The following MICAL3 variants were observed in gnomAD, a reference collection of about 807,000 sequenced individuals.
The protein encoded by MICAL3 is microtubule associated monooxygenase, calponin and LIM domain containing 3, also known as [F-actin]-monooxygenase MICAL3.
Under a neutral mutation model 207.4 loss-of-function variants are expected in MICAL3, and 62 were observed. That is an observed-to-expected ratio of 0.30 (90% CI 0.24 to 0.37). MICAL3 has a LOEUF of 0.37. Among genes scored for constraint, MICAL3 ranks in the 10% least tolerant of loss-of-function variants. The pLI, the probability that MICAL3 is intolerant of heterozygous loss-of-function variation, is 1.00. For missense variants in MICAL3, 2,368 were observed against 2,635.6 expected (o/e 0.90, Z 2.22); for synonymous variants, 1,077 against 1,069.3 (o/e 1.01, Z -0.14).
intron 1 of MICAL3, among the ~76,000 whole-genome samples, chr22:17,959,256 C>T (rs1257382748): frequency 6.6e-6 from 1 of 151,448 alleles, no homozygotes; most frequent in East Asian, 1.9e-4. Context: ...ACCTTGTGAT[C>T]CACCCACCTC....
In MICAL3 at chr22:18,003,952, T is replaced by C. The variant is rs1489690170; in HGVS notation, c.-75+20329A>G. Among the ~76,000 whole-genome samples, 230 of 152,196 alleles carry C rather than the reference T, an allele frequency of 1.5e-3. 2 individuals are homozygous for C. The highest frequency in any genetic ancestry group is 1.6e-4 in the Non-Finnish European group (11 of 68,010). ...ACCTGGCTAATTTTTGTATTTTTAG[T>C]AGAGACAGGGTTTCGCCATGTTGGC... On this transcript the variant is annotated intron_variant, in intron 1 of 31. Transcript: ENST00000441493.
Position 17,803,122 on chromosome 22 carries a change from G to A in MICAL3, c.5650+5722C>T, listed in dbSNP as rs528544119. ...CAGGTCTGGGGCAGGGCCTGAGGCTGTGCCTTCCTAACAGGCTCCTAGGTG... is the reference window on the plus strand; with the variant it reads ...CAGGTCTGGGGCAGGGCCTGAGGCTATGCCTTCCTAACAGGCTCCTAGGTG... On this transcript the variant is annotated intron_variant, in intron 29 of 31. Coordinates refer to ENST00000441493, the MANE Select transcript of MICAL3 (RefSeq NM_015241.3). Among the ~76,000 whole-genome samples the A allele has an allele frequency of 3.3e-5, 5 of 152,292 alleles. No homozygotes were observed. In the South Asian group the frequency reaches 1.0e-3, roughly 32 times the overall value.
chr22:17,912,136 G>C (rs1245782856), intron 1 of MICAL3, among the ~76,000 whole-genome samples: 1 of 152,136 alleles, frequency 6.6e-6, no homozygotes, highest in Non-Finnish European at 1.5e-5. Flanking sequence ...ACAAAACATA[G>C]TTTGACCATA....
chr22:18,023,750 C>A (rs1924630360), intron 1 of MICAL3, among the ~76,000 whole-genome samples: 1 of 152,348 alleles, frequency 6.6e-6, no homozygotes, highest in Middle Eastern at 3.4e-3. Flanking sequence ...GGGCCACCAC[C>A]GCGCGCCGCG....
At chr22:17,896,453 A>G in intron 8 of MICAL3, 92 bp from the exon 9 acceptor site, 2 of 868,372 alleles carry the variant, frequency 2.3e-6, no homozygotes, top group Non-Finnish European at 3.7e-6. Context: ...TGCTGTCGAC[A>G]GTAGTGTTTG....
chr22:17,827,583 AC>A, intron 22 of MICAL3, 60 bp downstream of exon 22: 2 of 1,489,474 alleles, frequency 1.3e-6, no homozygotes, highest in Admixed American at 4.2e-5. Flanking sequence ...CCCTGTGGCG[AC>A]AGAGGCAGCA....
Position 17,969,033 on chromosome 22 carries a change from T to C in MICAL3, c.-75+55248A>G, listed in dbSNP as rs572669246. On this transcript the variant is annotated intron_variant, in intron 1 of 31. Transcript: ENST00000441493. ...ACTTATTAAGAACATTCTTTAACTT[T>C]CTCCAGAAGACTTTTTTTTTTCTTT... 7.2e-5 allele frequency among the ~76,000 whole-genome samples: 11 copies of C among 152,202 alleles called. No individual in the cohort carries two copies. The East Asian group carries it at 1.9e-3, about 27-fold the overall frequency.
intron 1 of MICAL3, among the ~76,000 whole-genome samples, chr22:17,962,375 G>A (rs1173733081): frequency 6.6e-5 from 10 of 152,202 alleles, no homozygotes; most frequent in South Asian, 2.1e-4. Context: ...GCAGGCACTC[G>A]CAGGCTGGGC....
intron 19 of MICAL3, chr22:17,864,598 C>CGGGACGGGGCTGA: frequency 1.3e-6 from 2 of 1,506,882 alleles, no homozygotes; most frequent in Non-Finnish European, 1.8e-6. Context: ...TGTGATGGTG[C>CGGGACGGGGCTGA]GGGACGGGGC....
chr22:18,007,166 T>G (rs1349963983), intron 1 of MICAL3: 1 of 152,092 alleles, frequency 6.6e-6, no homozygotes, highest in Non-Finnish European at 1.5e-5. Context: ...AATTTTCTGA[T>G]TTCAAAAGTA....
At chr22:17,863,898 T>C (rs1926784690) in intron 19 of MICAL3, 1 of 984,098 alleles carries the variant, frequency 1.0e-6, no homozygotes, top group Non-Finnish European at 1.2e-6. Context: ...TTAATTTTTA[T>C]GAGTTTTGTA....
intron 19 of MICAL3, among the ~76,000 whole-genome samples, chr22:17,843,349 C>G (rs1924266555): frequency 6.6e-6 from 1 of 152,136 alleles, no homozygotes; most frequent in Non-Finnish European, 1.5e-5. Context: ...CCTCCTGATC[C>G]TGGTCAGAGG....
intron 1 of MICAL3, chr22:17,980,794 C>CTCAGCCT (rs150713652): frequency 0.014 from 6,879 of 484,136 alleles, 216 homozygotes; most frequent in African/African-American, 0.087. Flanking sequence ...AACCAGCTGC[C>CTCAGCCT]CGTCTGCTCC....
At chr22:17,864,682 T>TCC in intron 19 of MICAL3, 1 of 1,609,660 alleles carries the variant, frequency 6.2e-7, no homozygotes, top group Non-Finnish European at 8.5e-7. Context: ...CCAGTGGAAC[T>TCC]CCCCTCTGAT....
Position 17,817,601 on chromosome 22 carries a change from G to C in MICAL3, c.5060C>G (p.Thr1687Ser), listed in dbSNP as rs370320604. Residue 1687 changes from threonine to serine, a missense_variant, in exon 26 of 32, where the codon ACT becomes AGT. By Grantham distance (58) the Thr-to-Ser change is moderately conservative (BLOSUM62 1). Coordinates refer to ENST00000441493, the MANE Select transcript of MICAL3 (RefSeq NM_015241.3). ...CTTCCCACTGGAGCCCTCGGATGAA[G>C]TGAAAGAGCCATCTGGGCCCCCTGA... ...SDSGGPDGSF[T>S]SSEGSSGKSK... 5.6e-6 allele frequency: 9 copies of C among 1,613,188 alleles called. No homozygotes were observed. In the African/African-American group the frequency reaches 8.0e-5, roughly 14 times the overall value.
rs746105325 is a variant in MICAL3 at position 17,896,262 on chromosome 22, C to T, written c.1306G>A (p.Glu436Lys). 2 of 1,555,748 alleles carry T rather than the reference C, an allele frequency of 1.3e-6. No homozygotes were observed. The highest frequency in any genetic ancestry group is 2.4e-5 in the South Asian group (2 of 84,220). The change falls in exon 9 of 32, where the codon GAA becomes AAA. Residue 436 changes from glutamate to lysine, a missense_variant. Transcript: ENST00000441493. ...TCCCATTACCTCTCTGCCAGCACTT[C>T]CAAAGGGCTCGTTCCTAGAGACCAA... Reference protein sequence around the residue: ...RSWSLGTSPLEVLAERESIYR... With the variant: ...RSWSLGTSPLKVLAERESIYR...
chr22:17,839,927 C>CTTTTTTTT (rs67852343), intron 20 of MICAL3: 3 of 95,846 alleles, frequency 3.1e-5, no homozygotes, highest in East Asian at 3.0e-4. Flanking sequence ...TTTTAATTAT[C>CTTTTTTTT]TTTTTTTTTT....
chr22:17,889,310 C>G (rs1930203898), intron 12 of MICAL3, 80 bp from the exon 13 acceptor site: 1 of 1,063,320 alleles, frequency 9.4e-7, no homozygotes, highest in South Asian at 1.6e-5. Flanking sequence ...GAGTCATCGT[C>G]CTTTCTCTGT....
At chr22:17,801,797 GGCAGGAGAATC>G (rs902511103) in intron 29 of MICAL3, among the ~76,000 whole-genome samples, 2 of 152,100 alleles carry the variant, frequency 1.3e-5, no homozygotes, top group Admixed American at 1.3e-4. Flanking sequence ...GGGAGGCTGA[GGCAGGAGAATC>G]GCTTGAACCC....
Sources: gnomAD v4.1 joint callset for allele counts (sites outside exome capture counted in the v4.1 genomes callset) on GRCh38, gnomAD v4.1.1 for gene constraint, MANE v1.5 for transcripts, NCBI Gene and HGNC (gene_info 2026-07-23, HGNC 2026-07-21) for gene names.